Variants in GTF2H2C observed in about 807,000 individuals in gnomAD.
GTF2H2C encodes the protein general transcription factor IIH subunit 2-like protein.
In GTF2H2C, 5 loss-of-function variants were observed where a neutral mutation model predicts 24.8. The ratio of observed to expected loss-of-function variants is 0.20; its 90% CI spans 0.11 to 0.42. The LOEUF (loss-of-function observed/expected upper bound fraction) is 0.42, where lower values mean the gene tolerates loss of function less well. Ranked by LOEUF, GTF2H2C falls within the 20% of genes least tolerant of loss-of-function variation. The pLI is 1.00. For missense variants in GTF2H2C, 45 were observed against 169.8 expected, an observed-to-expected ratio of 0.27 and a Z score of 4.08; for synonymous variants, 14 against 52.6, an observed-to-expected ratio of 0.27 and a Z score of 3.18.
In GTF2H2C at chr5:69,560,191, G is replaced by A. The variant is rs982667285; in HGVS notation, c.-344G>A. The A allele has an allele frequency of 4.6e-5, 7 of 152,174 alleles. No individual in the cohort carries two copies. Among genetic ancestry groups the A allele is most frequent in the African/African-American group, 1.2e-4 (5 of 41,414 alleles). The allele number at this position is 152,174 out of a possible 1,614,324, so 9.4% of individuals were successfully genotyped here. On this transcript the variant is annotated 5_prime_UTR_variant, in exon 1 of 17. Transcript: ENST00000380729. ...ACTTCCGGGGCGCCCCTAAAGCGGC[G>A]GAGAGGAGTGTCGGGCTGAGTTTCC...
In GTF2H2C at chr5:69,573,247, G is replaced by A. The variant is rs565125075; in HGVS notation, c.470+697G>A. 7.4e-5 allele frequency among the ~76,000 whole-genome samples: 10 copies of A among 134,600 alleles called. No individual in the cohort carries two copies. In the East Asian group the frequency reaches 1.3e-3, roughly 17 times the overall value. The allele number at this position is 134,600 out of a possible 152,430, so 88.3% of individuals were successfully genotyped here. ...GTCACCCAGGCTGGCATGCAGTGGC[G>A]TGATCTCAGCTCACTACAACCTCCA... On this transcript the variant is annotated intron_variant, in intron 9 of 16. Coordinates refer to ENST00000380729, the MANE Select transcript of GTF2H2C (RefSeq NM_001376000.2).
chr5:69,565,001 A>G, intron 2 of GTF2H2C, 99 bp from the exon 3 acceptor site: 1 of 1,103,162 alleles, frequency 9.1e-7, no homozygotes, highest in South Asian at 1.5e-5. Flanking sequence ...CTGGCATTCC[A>G]TTTTTTTTAC....
chr5:69,591,459 T>A (rs1219305174), intron 16 of GTF2H2C, among the ~76,000 whole-genome samples: 3 of 116,232 alleles, frequency 2.6e-5, no homozygotes, highest in East Asian at 2.2e-4. Flanking sequence ...TTATTCATTC[T>A]TTTTTTTTTT....
chr5:69,568,193 T>G lies in GTF2H2C; in HGVS notation c.350T>G (p.Leu117Trp). The change falls in exon 8 of 17, where the codon TTG (leucine) becomes TGG (tryptophan). Residue 117 changes from leucine (L) to tryptophan (W), a missense_variant. By Grantham distance (61) the Leu-to-Trp change is moderately conservative (BLOSUM62 -2). Coordinates refer to ENST00000380729, the MANE Select transcript of GTF2H2C (RefSeq NM_001376000.2). The part of the protein sequence containing the change: ...IVTKSKRAEK[L>W]TELSGNPRKH... Reference sequence around the variant, plus strand: ...ACTAAGAGTAAAAGAGCTGAAAAATTGACTGAACTTTCAGGTATGCATAAA... The same window carrying G: ...ACTAAGAGTAAAAGAGCTGAAAAATGGACTGAACTTTCAGGTATGCATAAA... 2.2e-6 allele frequency: 1 copy of G among 462,566 alleles called. No individual in the cohort carries two copies. The highest frequency in any genetic ancestry group is 3.6e-5 in the East Asian group (1 of 27,466). 28.7% of individuals were successfully genotyped at this position (462,566 alleles called of 1,614,324 possible).
In GTF2H2C at chr5:69,594,019, AG is replaced by A. The variant is rs1408662509; in HGVS notation, c.*1823del. On this transcript the variant is annotated 3_prime_UTR_variant, in exon 17 of 17. Coordinates refer to ENST00000380729, the MANE Select transcript of GTF2H2C (RefSeq NM_001376000.2). ...TGTCTATTTTATGTATATAAACTTC[AG>A]GTACTCTAACTTGAGTTTCACTATG... 9.4e-6 allele frequency among the ~76,000 whole-genome samples: 1 copy of A among 106,208 alleles called. No homozygotes were observed. The highest frequency in any genetic ancestry group is 2.7e-4 in the East Asian group (1 of 3,768). The allele number at this position is 106,208 out of a possible 152,430, so 69.7% of individuals were successfully genotyped here.
At chr5:69,566,432 G>C (rs1348663274) in intron 4 of GTF2H2C, 157 bp from the exon 5 acceptor site, 1 of 1,347,572 alleles carries the variant, frequency 7.4e-7, no homozygotes. Flanking sequence ...TATTCCATAA[G>C]TTAATTATTT....
At chr5:69,565,593 G>GT (rs1468846814) in intron 3 of GTF2H2C, 1 of 196,070 alleles carries the variant, frequency 5.1e-6, no homozygotes, top group Admixed American at 5.4e-5. Context: ...TTATAATACT[G>GT]TATTTTTACT....
chr5:69,563,154 C>G (rs1770489129), intron 2 of GTF2H2C, among the ~76,000 whole-genome samples: 1 of 150,930 alleles, frequency 6.6e-6, no homozygotes, highest in African/African-American at 2.4e-5. Context: ...TGATCACCTG[C>G]TTTAGTCTCC....
intron 1 of GTF2H2C, among the ~76,000 whole-genome samples, chr5:69,561,169 A>C (rs1264333719): frequency 1.3e-5 from 2 of 151,948 alleles, no homozygotes; most frequent in Non-Finnish European, 2.9e-5. Flanking sequence ...CATGTTTACA[A>C]TCAGACTTCC....
intron 6 of GTF2H2C, 114 bp from the exon 7 acceptor site, chr5:69,567,613 T>TTA (rs1309782117): frequency 1.4e-6 from 1 of 730,880 alleles, no homozygotes; most frequent in Non-Finnish European, 2.1e-6. Context: ...ATCTGTAAGT[T>TTA]TAAAAGTCAT....
At chr5:69,568,277 A>G in intron 8 of GTF2H2C, 70 bp downstream of exon 8, 1 of 305,292 alleles carries the variant, frequency 3.3e-6, no homozygotes, top group Non-Finnish European at 6.1e-6. Context: ...AGCCCTGTTT[A>G]TATGGCTGCT....
At chr5:69,580,085 CTG>C (rs2112237832) in intron 12 of GTF2H2C, among the ~76,000 whole-genome samples, 1 of 141,128 alleles carries the variant, frequency 7.1e-6, no homozygotes, top group East Asian at 2.0e-4. Context: ...AAGGTATAAA[CTG>C]TGTTTATAGA....
At chr5:69,561,831 C>A (rs1316519474) in intron 1 of GTF2H2C, among the ~76,000 whole-genome samples, 2 of 150,432 alleles carry the variant, frequency 1.3e-5, no homozygotes, top group South Asian at 4.2e-4. Flanking sequence ...TTTGTAGAGA[C>A]AAGGTTATTG....
chr5:69,564,426 TG>T (rs1451090185), intron 2 of GTF2H2C, among the ~76,000 whole-genome samples: 1 of 147,932 alleles, frequency 6.8e-6, no homozygotes, highest in East Asian at 2.0e-4. Flanking sequence ...ATTAGAGAAA[TG>T]CAAACCAAAA....
chr5:69,569,175 GAAATGTA>G (rs906527550), intron 8 of GTF2H2C: 2 of 24,278 alleles, frequency 8.2e-5, no homozygotes, highest in African/African-American at 3.0e-4. Context: ...AGTGAGGAGT[GAAATGTA>G]CATTGGCCTG....
rs1280264772 is a variant in GTF2H2C at position 69,561,553 on chromosome 5, C to CA, written c.-131-1119dup. On this transcript the variant is annotated intron_variant, in intron 1 of 16. Transcript: ENST00000380729. ...GGGCGACAGAGCAAGACTCTTGTCT[C>CA]AGAAAAAAAAGAAAAAAAAGAATTC... Among the ~76,000 whole-genome samples the CA allele has an allele frequency of 3.1e-3, 92 of 30,044 alleles. 5 individuals carry two copies. The highest frequency in any genetic ancestry group is 7.7e-3 in the African/African-American group (88 of 11,494). 19.7% of individuals were successfully genotyped at this position (30,044 alleles called of 152,430 possible).
At chr5:69,564,784 C>T (rs1398638739) in intron 2 of GTF2H2C, among the ~76,000 whole-genome samples, 6 of 150,654 alleles carry the variant, frequency 4.0e-5, no homozygotes, top group Non-Finnish European at 5.9e-5. Context: ...AGTTCAACTA[C>T]GCCCATACTG....
intron 12 of GTF2H2C, 135 bp downstream of exon 12, chr5:69,579,999 G>GA (rs1377607565): frequency 4.9e-3 from 2,850 of 585,678 alleles, no homozygotes; most frequent in Middle Eastern, 8.9e-3. Flanking sequence ...CAGAGAAGTG[G>GA]AAAAAAAAAA....
chr5:69,590,081 C>T (rs1455470828), intron 15 of GTF2H2C, among the ~76,000 whole-genome samples: 3 of 150,684 alleles, frequency 2.0e-5, no homozygotes, highest in Non-Finnish European at 2.9e-5. Context: ...GACGGGGTTT[C>T]GCCACGTTGG....
Sources: gnomAD v4.1 joint callset for allele counts (sites outside exome capture counted in the v4.1 genomes callset) on GRCh38, gnomAD v4.1.1 for gene constraint, MANE v1.5 for transcripts, NCBI Gene and HGNC (gene_info 2026-07-23, HGNC 2026-07-21) for gene names.